The following GSAP variants were observed in gnomAD, a reference collection of about 807,000 sequenced individuals.
The protein encoded by GSAP is gamma-secretase-activating protein.
Under a neutral mutation model 131.7 loss-of-function variants are expected in GSAP, and 118 were observed. That is an observed-to-expected ratio of 0.90 (90% confidence interval 0.77 to 1.04). The LOEUF (loss-of-function observed/expected upper bound fraction) is 1.04, where lower values mean the gene tolerates loss of function less well. Ranked by LOEUF, GSAP falls within the 50% of genes least tolerant of loss-of-function variation. The probability of loss-of-function intolerance (pLI) is 0.00; values close to 1 mark genes in which losing one functional copy is unlikely to be tolerated. For missense variants in GSAP, 1,019 were observed against 1,013.2 expected, an observed-to-expected ratio of 1.01 and a Z score of -0.08; for synonymous variants, 381 against 363.4, an observed-to-expected ratio of 1.05 and a Z score of -0.55.
At chr7:77,394,561 A>T (rs1800064889) in intron 5 of GSAP, among the ~76,000 whole-genome samples, 1 of 152,200 alleles carries the variant, frequency 6.6e-6, no homozygotes, top group East Asian at 1.9e-4. Context: ...CTCAGGGAGC[A>T]ATATAACTCT....
intron 26 of GSAP, among the ~76,000 whole-genome samples, chr7:77,319,534 T>A (rs936800952): frequency 1.3e-5 from 2 of 152,168 alleles, no homozygotes; most frequent in African/African-American, 4.8e-5. Flanking sequence ...GATCCAGTAA[T>A]CTCATTTCTG....
chr7:77,389,226 G>A (rs1480501308), intron 5 of GSAP, among the ~76,000 whole-genome samples: 1 of 151,658 alleles, frequency 6.6e-6, no homozygotes, highest in Non-Finnish European at 1.5e-5. Context: ...AAAAGTATGC[G>A]TGTGTGTATG....
At chr7:77,387,901 A>C (rs374917516) in intron 5 of GSAP, among the ~76,000 whole-genome samples, 1 of 152,218 alleles carries the variant, frequency 6.6e-6, no homozygotes, top group African/African-American at 2.4e-5. Context: ...GAATTCAAAG[A>C]TCACTGTATA....
chr7:77,349,471 AG>A, intron 18 of GSAP, 67 bp from the exon 19 acceptor site: 1 of 1,380,244 alleles, frequency 7.2e-7, no homozygotes, highest in Non-Finnish European at 1.0e-6. Context: ...TCAAGCTTTC[AG>A]GGAGTGTTTT....
At chr7:77,374,181 A>T in intron 11 of GSAP, 26 bp from the exon 12 acceptor site, 1 of 1,149,436 alleles carries the variant, frequency 8.7e-7, no homozygotes, top group East Asian at 2.4e-5. Flanking sequence ...ATGAGAAATT[A>T]TTGAATGCAT....
At chr7:77,354,878 T>C (rs892644727) in intron 16 of GSAP, among the ~76,000 whole-genome samples, 1 of 152,202 alleles carries the variant, frequency 6.6e-6, no homozygotes, top group Non-Finnish European at 1.5e-5. Flanking sequence ...TTTAGTCCTT[T>C]TGATAATTAT....
At chr7:77,329,450 C>T (rs796970096) in intron 20 of GSAP, 59 bp from the exon 21 acceptor site, 15 of 901,856 alleles carry the variant, frequency 1.7e-5, no homozygotes, top group East Asian at 8.0e-5. Flanking sequence ...TGACTTTTCA[C>T]GTCAAGGATA....
At chr7:77,397,943 C>G (rs1297997652) in intron 3 of GSAP, among the ~76,000 whole-genome samples, 1 of 152,120 alleles carries the variant, frequency 6.6e-6, no homozygotes, top group Non-Finnish European at 1.5e-5. Flanking sequence ...CTCCCATAGG[C>G]CTTTCATATT....
At chr7:77,350,124 G>A (rs1792573584) in intron 18 of GSAP, among the ~76,000 whole-genome samples, 1 of 151,594 alleles carries the variant, frequency 6.6e-6, no homozygotes, top group Admixed American at 6.6e-5. Flanking sequence ...TCCTTTGTAG[G>A]GACATGGATG....
chr7:77,412,547 C>T (rs1803465150), intron 1 of GSAP, among the ~76,000 whole-genome samples: 2 of 151,772 alleles, frequency 1.3e-5, no homozygotes, highest in Admixed American at 1.3e-4. Context: ...TCAAAGGCAC[C>T]ATCACAAACC....
At chr7:77,400,346 A>C (rs1260181739) in intron 3 of GSAP, among the ~76,000 whole-genome samples, 1 of 152,132 alleles carries the variant, frequency 6.6e-6, no homozygotes, top group African/African-American at 2.4e-5. Context: ...GATGGTGTCC[A>C]AGGTGGCTGA....
intron 10 of GSAP, among the ~76,000 whole-genome samples, chr7:77,375,331 A>G (rs1204744595): frequency 1.3e-5 from 2 of 152,222 alleles, no homozygotes; most frequent in Non-Finnish European, 2.9e-5. Flanking sequence ...TTTATTTCTT[A>G]AAGGGCTAAT....
intron 14 of GSAP, among the ~76,000 whole-genome samples, chr7:77,358,477 T>G (rs182207715): frequency 6.6e-6 from 1 of 152,356 alleles, no homozygotes; most frequent in Admixed American, 6.5e-5. Context: ...GCAGAGGCTA[T>G]ACCTACATTC....
intron 19 of GSAP, among the ~76,000 whole-genome samples, chr7:77,335,205 G>A (rs145610214): frequency 0.016 from 2,379 of 152,232 alleles, 58 homozygotes; most frequent in African/African-American, 0.054. Context: ...TTCGAGACCA[G>A]CCTGGGCAAC....
At chr7:77,382,721 T>G in intron 6 of GSAP, 78 bp from the exon 7 acceptor site, 1 of 785,886 alleles carries the variant, frequency 1.3e-6, no homozygotes, top group Admixed American at 1.9e-5. Flanking sequence ...GTTTGATGAC[T>G]GTACTATTAC....
chr7:77,395,862 G>A (rs1800292793), intron 5 of GSAP, among the ~76,000 whole-genome samples: 1 of 152,184 alleles, frequency 6.6e-6, no homozygotes, highest in Admixed American at 6.5e-5. Flanking sequence ...GAATTTAAGT[G>A]TCAAATAAAC....
chr7:77,370,943 C>T (rs1445227677), intron 12 of GSAP, among the ~76,000 whole-genome samples: 1 of 151,902 alleles, frequency 6.6e-6, no homozygotes, highest in African/African-American at 2.4e-5. Context: ...TCTCTCCAGA[C>T]ATTCTTTTTT....
rs996288590 is a variant in GSAP at position 77,333,091 on chromosome 7, C to T, written c.1546-2724G>A. On this transcript the variant is annotated intron_variant, in intron 19 of 30. Transcript: ENST00000257626. Reference sequence around the variant, plus strand: ...CTGAGGCAGGAGAAACACTTGAACCCGGGAGGCGGAGGTTGCAGTGAGCCA... The same window carrying T: ...CTGAGGCAGGAGAAACACTTGAACCTGGGAGGCGGAGGTTGCAGTGAGCCA... 1.4e-4 allele frequency among the ~76,000 whole-genome samples: 22 copies of T among 152,150 alleles called. 1 individual carries two copies. Among genetic ancestry groups the T allele is most frequent in the Admixed American group, 6.5e-4 (10 of 15,280 alleles).
intron 19 of GSAP, among the ~76,000 whole-genome samples, chr7:77,335,113 ACC>A (rs1562928323): frequency 1.3e-5 from 2 of 148,818 alleles, no homozygotes; most frequent in Non-Finnish European, 3.0e-5. Flanking sequence ...AAAGAAACAT[ACC>A]CATGCCAGAT....
Sources: gnomAD v4.1 joint callset for allele counts (sites outside exome capture counted in the v4.1 genomes callset) on GRCh38, gnomAD v4.1.1 for gene constraint, MANE v1.5 for transcripts, NCBI Gene and HGNC (gene_info 2026-07-23, HGNC 2026-07-21) for gene names.